GRHL1: variants seen among roughly 807,000 people sequenced by gnomAD.
GRHL1 encodes grainyhead-like protein 1 homolog.
In GRHL1, 38 loss-of-function variants were observed where a neutral mutation model predicts 75.7. That is an observed-to-expected ratio of 0.50 (90% CI 0.39 to 0.66). The LOEUF is 0.66. GRHL1 is among the 30% of genes least tolerant of loss of function. The probability of loss-of-function intolerance (pLI) is 0.00; values close to 1 mark genes in which losing one functional copy is unlikely to be tolerated. For missense variants in GRHL1, 589 were observed against 767.5 expected, an observed-to-expected ratio of 0.77 and a Z score of 2.75; for synonymous variants, 266 against 279.4, an observed-to-expected ratio of 0.95 and a Z score of 0.48.
intron 2 of GRHL1, among the ~76,000 whole-genome samples, chr2:9,957,166 A>T (rs1667064696): frequency 6.6e-6 from 1 of 151,778 alleles, no homozygotes; most frequent in Non-Finnish European, 1.5e-5. Flanking sequence ...TAATTTTAAA[A>T]TTTTTTGTAG....
Position 10,001,740 on chromosome 2 carries a change from A to G in GRHL1, c.*1033A>G, listed in dbSNP as rs1190532457. The G allele has an allele frequency of 6.6e-6, 1 of 152,290 alleles. No homozygotes were observed. The highest frequency in any genetic ancestry group is 1.5e-5 in the Non-Finnish European group (1 of 68,052). The allele number at this position is 152,290 out of a possible 1,614,324, so 9.4% of individuals were successfully genotyped here. A position where few individuals can be genotyped will look rare whatever the true frequency, so the allele number is the denominator to read the frequency against. On this transcript the variant is annotated 3_prime_UTR_variant, in exon 16 of 16. Coordinates refer to ENST00000324907, the MANE Select transcript of GRHL1 (RefSeq NM_198182.3). ...CAATCACGTCTTTTGTTATGCTAGT[A>G]TCAGTCAGATGCACTTAGAGTGAAG...
intron 8 of GRHL1, among the ~76,000 whole-genome samples, chr2:9,978,079 A>G (rs1668025516): frequency 6.6e-6 from 1 of 152,188 alleles, no homozygotes; most frequent in African/African-American, 2.4e-5. Flanking sequence ...AGTATGGGGG[A>G]AATCGCCCCC....
Position 9,992,081 on chromosome 2 carries a change from C to T in GRHL1, c.1396C>T (p.Leu466Phe), listed in dbSNP as rs1219761064. The T allele has an allele frequency of 2.5e-6, 4 of 1,613,576 alleles. No homozygotes were observed. Among genetic ancestry groups the T allele is most frequent in the African/African-American group, 1.3e-5 (1 of 74,920 alleles). ...CACAGTTTTCAAACCCTTCATTGATCTCGATACTCAGCCTGTCCTCTTCAT... is the reference window on the plus strand; with the variant it reads ...CACAGTTTTCAAACCCTTCATTGATTTCGATACTCAGCCTGTCCTCTTCAT... ...DITVFKPFIDLDTQPVLFIPD... is the reference protein window; with the variant it reads ...DITVFKPFIDFDTQPVLFIPD... The change falls in exon 11 of 16, where the codon CTC becomes TTC. Residue 466 changes from leucine to phenylalanine, a missense_variant. Coordinates refer to ENST00000324907, the MANE Select transcript of GRHL1 (RefSeq NM_198182.3). This position sits in a 1 kb window ranked among gnomAD's most constrained non-coding sequence, Gnocchi z 4.6.
rs1003967298 is a variant in GRHL1 at position 10,002,215 on chromosome 2, A to T, written c.*1508A>T. ...TGATTTTGTCTTGCGTGTTATTTTT[A>T]ATTGTATCATTGAAGATGTATTTTA... On this transcript the variant is annotated 3_prime_UTR_variant, in exon 16 of 16. Coordinates refer to ENST00000324907, the MANE Select transcript of GRHL1 (RefSeq NM_198182.3). The T allele has an allele frequency of 2.0e-5, 3 of 152,590 alleles. No individual in the cohort carries two copies. The highest frequency in any genetic ancestry group is 7.2e-5 in the African/African-American group (3 of 41,426). The allele number at this position is 152,590 out of a possible 1,614,324, so 9.5% of individuals were successfully genotyped here.
At chr2:10,000,397 A>G (rs1309514471) in intron 15 of GRHL1, among the ~76,000 whole-genome samples, 196 bp from the exon 16 acceptor site, 1 of 152,196 alleles carries the variant, frequency 6.6e-6, no homozygotes, top group South Asian at 2.1e-4. Context: ...TCCTAACTCA[A>G]TTCTCTCAGC....
At chr2:9,960,130 G>A (rs1667208416) in intron 3 of GRHL1, 1 of 152,110 alleles carries the variant, frequency 6.6e-6, no homozygotes, top group South Asian at 2.1e-4. Context: ...TGTAACAATA[G>A]GTTTTCTTGG....
At chr2:9,997,988 A>T in intron 14 of GRHL1, among the ~76,000 whole-genome samples, 1 of 152,136 alleles carries the variant, frequency 6.6e-6, no homozygotes, top group Middle Eastern at 3.2e-3. Context: ...ATTATCATCC[A>T]CTCGTACAGA....
Position 9,998,921 on chromosome 2 carries a change from G to A in GRHL1, c.1678-44G>A, listed in dbSNP as rs181669808. ...ATATATTTGTTGTTTGGTTTCTAAA[G>A]CCTTGATACAGGGTTTTGTAATTAT... On this transcript the variant is annotated intron_variant, in intron 14 of 15. Coordinates refer to ENST00000324907, the MANE Select transcript of GRHL1 (RefSeq NM_198182.3). 9.6e-5 allele frequency: 85 copies of A among 881,362 alleles called. 1 individual carries two copies. In the African/African-American group the frequency reaches 1.3e-3, roughly 14 times the overall value. 54.6% of individuals were successfully genotyped at this position (881,362 alleles called of 1,614,324 possible).
intron 9 of GRHL1, among the ~76,000 whole-genome samples, chr2:9,988,263 A>C (rs1668506841): frequency 6.6e-6 from 1 of 152,182 alleles, no homozygotes; most frequent in Admixed American, 6.5e-5. Flanking sequence ...GTGTAAGGCT[A>C]ATCATCCCGC....
chr2:9,952,160 C>T (rs946928472), intron 1 of GRHL1, among the ~76,000 whole-genome samples: 1 of 151,932 alleles, frequency 6.6e-6, no homozygotes, highest in Non-Finnish European at 1.5e-5. Context: ...GGGTCCGGGC[C>T]CCCGGCGCGG....
chr2:9,960,542 G>GTGTGTCAGGCATTATTATAC, intron 3 of GRHL1: 1 of 152,624 alleles, frequency 6.6e-6, no homozygotes, highest in African/African-American at 2.4e-5. Flanking sequence ...CTTGAAGACT[G>GTGTGTCAGGCATTATTATAC]TGTGTCAGGC....
chr2:9,983,343 A>C (rs16867271), intron 8 of GRHL1, among the ~76,000 whole-genome samples: 4,306 of 152,166 alleles, frequency 0.028, 186 homozygotes, highest in African/African-American at 0.097. Flanking sequence ...ACCATTGTCA[A>C]CTTTCTTTAA....
Position 9,951,809 on chromosome 2 carries a change from G to C in GRHL1, c.-25G>C. The C allele has an allele frequency of 3.9e-6, 6 of 1,528,908 alleles. No individual in the cohort carries two copies. Among genetic ancestry groups the C allele is most frequent in the Non-Finnish European group, 4.4e-6 (5 of 1,136,980 alleles). The allele number at this position is 1,528,908 out of a possible 1,614,324, so 94.7% of individuals were successfully genotyped here. ...TCCCAACCCGAAAGTCCAGTTCTGCGGCCCGGCAGCGGCGAGCGGGCGCGA... is the reference window on the plus strand; with the variant it reads ...TCCCAACCCGAAAGTCCAGTTCTGCCGCCCGGCAGCGGCGAGCGGGCGCGA... On this transcript the variant is annotated 5_prime_UTR_variant, in exon 1 of 16. Transcript: ENST00000324907. This position sits in a 1 kb window ranked among gnomAD's most constrained non-coding sequence, Gnocchi z 4.2.
chr2:9,976,856 T>G (rs1169901508), intron 8 of GRHL1, among the ~76,000 whole-genome samples: 3 of 152,172 alleles, frequency 2.0e-5, no homozygotes, highest in Non-Finnish European at 2.9e-5. Context: ...CTGTTACAGG[T>G]GGGGTACAAA....
At chr2:9,964,861 A>G (rs1044781713) in intron 7 of GRHL1, 1 of 172,210 alleles carries the variant, frequency 5.8e-6, no homozygotes, top group Non-Finnish European at 1.2e-5. Flanking sequence ...TGTTCTTGCC[A>G]TGTATGTAAT....
intron 4 of GRHL1, among the ~76,000 whole-genome samples, 176 bp from the exon 5 acceptor site, chr2:9,962,279 T>C (rs1667310768): frequency 6.6e-6 from 1 of 152,196 alleles, no homozygotes; most frequent in South Asian, 2.1e-4. Flanking sequence ...AAAGTGGATA[T>C]TTTCTCTGTT....
Position 9,987,625 on chromosome 2 carries a change from A to ATC in GRHL1, c.1269+1347_1269+1348dup, listed in dbSNP as rs1312028783. On this transcript the variant is annotated intron_variant, in intron 9 of 15. Coordinates refer to ENST00000324907, the MANE Select transcript of GRHL1 (RefSeq NM_198182.3). This position sits in a 1 kb window ranked among gnomAD's most constrained non-coding sequence, Gnocchi z 4.2. ...AAGAAAAAGTGCAGGGCCCAGAGGGATCTCTGCATGACCTGTTTTCCCTGG... is the reference window on the plus strand; with the variant it reads ...AAGAAAAAGTGCAGGGCCCAGAGGGATCTCTCTGCATGACCTGTTTTCCCTGG... Among the ~76,000 whole-genome samples, 2 of 152,154 alleles carry ATC rather than the reference A, an allele frequency of 1.3e-5. No individual in the cohort carries two copies. The highest frequency in any genetic ancestry group is 4.8e-5 in the African/African-American group (2 of 41,414).
At chr2:9,995,033 T>G (rs1668795802) in intron 12 of GRHL1, among the ~76,000 whole-genome samples, 1 of 152,180 alleles carries the variant, frequency 6.6e-6, no homozygotes, top group Admixed American at 6.5e-5. Context: ...GGTACCACAC[T>G]CAGTCTCACA....
At chr2:9,989,380 TTAAATG>T (rs1304508706) in intron 9 of GRHL1, among the ~76,000 whole-genome samples, 1 of 152,188 alleles carries the variant, frequency 6.6e-6, no homozygotes, top group African/African-American at 2.4e-5. Context: ...AGCAAAATGA[TTAAATG>T]TAATGTTTTT....
Sources: gnomAD v4.1 joint callset for allele counts (sites outside exome capture counted in the v4.1 genomes callset) on GRCh38, gnomAD v4.1.1 for gene constraint, Gnocchi (gnomAD v3.1) non-coding constraint, MANE v1.5 for transcripts, NCBI Gene and HGNC (gene_info 2026-07-23, HGNC 2026-07-21) for gene names.